Variants in LAMA2 observed in about 807,000 individuals in gnomAD.
The protein encoded by LAMA2 is laminin subunit alpha-2.
LAMA2 carries 269 observed loss-of-function variants against 364.8 expected under a neutral mutation model. The observed-to-expected ratio is 0.74, with a 90% CI of 0.67 to 0.82. LAMA2 has a LOEUF of 0.82. Among genes scored for constraint, LAMA2 ranks in the 40% least tolerant of loss-of-function variants. The pLI, the probability that LAMA2 is intolerant of heterozygous loss-of-function variation, is 0.00. For synonymous variants in LAMA2, 1,379 were observed against 1,370.6 expected, an observed-to-expected ratio of 1.01 and a Z score of -0.14; for missense variants, 3,807 against 3,873.2, an observed-to-expected ratio of 0.98 and a Z score of 0.45.
At chr6:128,929,719 G>C in intron 1 of LAMA2, 1 of 1,376,946 alleles carries the variant, frequency 7.3e-7, no homozygotes. Context: ...CTCAAGGTCA[G>C]ACCTTCCCAA....
intron 17 of LAMA2, among the ~76,000 whole-genome samples, chr6:129,278,416 G>A (rs1788475006): frequency 1.3e-5 from 2 of 152,158 alleles, no homozygotes; most frequent in African/African-American, 4.8e-5. Context: ...AATTTTCAAA[G>A]AAGACATATA....
intron 11 of LAMA2, among the ~76,000 whole-genome samples, chr6:129,192,024 G>C (rs1781547153): frequency 6.6e-6 from 1 of 152,170 alleles, no homozygotes; most frequent in Admixed American, 6.5e-5. Context: ...CAGGGATCTA[G>C]GCTGTAGGTC....
intron 22 of LAMA2, among the ~76,000 whole-genome samples, chr6:129,306,915 C>T (rs1037606919): frequency 6.6e-6 from 1 of 151,942 alleles, no homozygotes; most frequent in African/African-American, 2.4e-5. Context: ...CTGCAAATTC[C>T]ATCTTTTTTA....
At position 129,401,208 on chromosome 6, in the gene LAMA2, T is replaced by C; in HGVS notation, c.5446-16T>C. 6.7e-7 allele frequency: 1 copy of C among 1,483,518 alleles called. No individual in the cohort carries two copies. Among genetic ancestry groups the C allele is most frequent in the East Asian group, 2.3e-5 (1 of 44,126 alleles). 91.9% of individuals were successfully genotyped at this position (1,483,518 alleles called of 1,614,324 possible). On this transcript the variant is annotated splice_polypyrimidine_tract_variant and intron_variant, in intron 37 of 64. Transcript: ENST00000421865. ...TGAAAATGCAATTTTGATGTCTTGTTCATAATGGTCTACAGAAAAAGAAGG... is the reference window on the plus strand; with the variant it reads ...TGAAAATGCAATTTTGATGTCTTGTCCATAATGGTCTACAGAAAAAGAAGG...
intron 2 of LAMA2, among the ~76,000 whole-genome samples, chr6:129,057,051 A>C (rs76689853): frequency 0.023 from 3,539 of 152,050 alleles, 124 homozygotes; most frequent in African/African-American, 0.08. Context: ...GCTTTTAATA[A>C]AATTTTTCTT....
chr6:129,171,204 T>C (rs1226534751), intron 9 of LAMA2, among the ~76,000 whole-genome samples: 5 of 151,326 alleles, frequency 3.3e-5, no homozygotes, highest in Non-Finnish European at 5.9e-5. Context: ...TGTGTGAATT[T>C]GATCCTGTCA....
chr6:129,253,140 C>G (rs754250413), intron 14 of LAMA2, among the ~76,000 whole-genome samples: 1 of 152,048 alleles, frequency 6.6e-6, no homozygotes, highest in Non-Finnish European at 1.5e-5. Context: ...AAAACAATGA[C>G]ATTTTTATCT....
chr6:129,434,708 G>C (rs1781755145), intron 41 of LAMA2, among the ~76,000 whole-genome samples: 1 of 152,012 alleles, frequency 6.6e-6, no homozygotes, highest in Non-Finnish European at 1.5e-5. Flanking sequence ...TGCCTCCTCT[G>C]TCTTTTATTT....
Position 129,314,703 on chromosome 6 carries a change from G to A in LAMA2, c.3460G>A (p.Gly1154Arg), listed in dbSNP as rs756475916. The change falls in exon 24 of 65, where the codon GGA becomes AGA. Residue 1154 changes from glycine to arginine, a missense_variant. By Grantham distance (125) the Gly-to-Arg change is moderately radical. Coordinates refer to ENST00000421865, the MANE Select transcript of LAMA2 (RefSeq NM_000426.4). The stretch of plus-strand genomic sequence containing the variant: ...TGACAGATGCCGGCCTGGCAAATTC[G>A]GACTCGATGCCAAGAATCCACTTGG... The part of the protein sequence containing the change: ...HCDRCRPGKF[G>R]LDAKNPLGCS... The A allele has an allele frequency of 3.1e-6, 5 of 1,613,628 alleles. No individual in the cohort carries two copies. Among genetic ancestry groups the A allele is most frequent in the Middle Eastern group, 1.7e-4 (1 of 5,856 alleles).
intron 41 of LAMA2, among the ~76,000 whole-genome samples, chr6:129,430,996 T>C (rs569232548): frequency 2.0e-5 from 3 of 152,196 alleles, no homozygotes; most frequent in African/African-American, 7.2e-5. Context: ...AAATTATACA[T>C]CTTACCTTAT....
At chr6:129,254,982 G>T (rs1786537355) in intron 14 of LAMA2, among the ~76,000 whole-genome samples, 1 of 151,960 alleles carries the variant, frequency 6.6e-6, no homozygotes, top group Admixed American at 6.5e-5. Flanking sequence ...AATCCTGGAG[G>T]GTAGATGTGT....
At chr6:128,904,170 C>T (rs955806607) in intron 1 of LAMA2, among the ~76,000 whole-genome samples, 3 of 152,094 alleles carry the variant, frequency 2.0e-5, no homozygotes, top group African/African-American at 4.8e-5. Context: ...GCACCTCCTC[C>T]GCCTCTTTTC....
At chr6:129,173,630 G>C (rs1026364106) in intron 9 of LAMA2, among the ~76,000 whole-genome samples, 1 of 152,102 alleles carries the variant, frequency 6.6e-6, no homozygotes, top group African/African-American at 2.4e-5. Context: ...TTGTAATACT[G>C]TAATTAGATA....
chr6:129,070,373 CA>C (rs1773231208), intron 3 of LAMA2, among the ~76,000 whole-genome samples: 1 of 151,986 alleles, frequency 6.6e-6, no homozygotes, highest in South Asian at 2.1e-4. Flanking sequence ...AACAAAAGCT[CA>C]AAAATGCTTT....
intron 1 of LAMA2, among the ~76,000 whole-genome samples, chr6:128,921,254 T>C (rs1181341525): frequency 6.6e-6 from 1 of 152,114 alleles, no homozygotes; most frequent in Non-Finnish European, 1.5e-5. Flanking sequence ...AAAGTAAGGG[T>C]TGTTTAAATC....
chr6:129,022,172 T>C (rs1785488128), intron 1 of LAMA2, among the ~76,000 whole-genome samples: 1 of 152,242 alleles, frequency 6.6e-6, no homozygotes, highest in Non-Finnish European at 1.5e-5. Flanking sequence ...TGCTTGCTTC[T>C]TTTTTGTTGA....
At chr6:128,907,966 T>C (rs1222196771) in intron 1 of LAMA2, among the ~76,000 whole-genome samples, 1 of 152,112 alleles carries the variant, frequency 6.6e-6, no homozygotes, top group South Asian at 2.1e-4. Flanking sequence ...GAACCAGCCT[T>C]GCATCCCAGG....
intron 17 of LAMA2, among the ~76,000 whole-genome samples, chr6:129,276,766 C>A (rs1034087129): frequency 3.9e-5 from 6 of 152,058 alleles, no homozygotes; most frequent in Non-Finnish European, 8.8e-5. Flanking sequence ...TCTAAATACA[C>A]CCTTAAGTTT....
At chr6:129,207,106 C>T (rs1562332085) in intron 12 of LAMA2, among the ~76,000 whole-genome samples, 1 of 152,186 alleles carries the variant, frequency 6.6e-6, no homozygotes, top group Non-Finnish European at 1.5e-5. Context: ...GAGCAGAGAG[C>T]ATGCATGACT....
Sources: allele counts gnomAD v4.1 joint callset (sites outside exome capture counted in the v4.1 genomes callset), GRCh38; gene constraint gnomAD v4.1.1; transcripts MANE v1.5; gene names NCBI Gene and HGNC (gene_info 2026-07-23, HGNC 2026-07-21).